ADGRL3: variants seen among roughly 807,000 people sequenced by gnomAD.
ADGRL3 encodes adhesion G protein-coupled receptor L3.
In ADGRL3, 62 loss-of-function variants were observed where a neutral mutation model predicts 153.5. That is an observed-to-expected ratio of 0.40 (90% CI 0.33 to 0.50). The LOEUF is 0.50. Among genes scored for constraint, ADGRL3 ranks in the 20% least tolerant of loss-of-function variants. The pLI is 0.47. For synonymous variants in ADGRL3, 710 were observed against 672.5 expected (o/e 1.06, Z -0.86); for missense variants, 1,641 against 1,859.4 (o/e 0.88, Z 2.16).
intron 11 of ADGRL3, among the ~76,000 whole-genome samples, chr4:61,899,361 C>G (rs1292264682): frequency 1.3e-5 from 2 of 151,724 alleles, no homozygotes; most frequent in Non-Finnish European, 2.9e-5. Context: ...TTTTTCCTGC[C>G]ATTTGCCATG....
At position 61,200,434 on chromosome 4, in the gene ADGRL3, C is replaced by T. The variant is rs1257579939; in HGVS notation, c.-1571C>T. Among the ~76,000 whole-genome samples, 1 of 151,868 alleles carries T rather than the reference C, an allele frequency of 6.6e-6. No individual in the cohort carries two copies. Among genetic ancestry groups the T allele is most frequent in the Non-Finnish European group, 1.5e-5 (1 of 67,944 alleles). On this transcript the variant is annotated 5_prime_UTR_variant, in exon 1 of 27. Transcript: ENST00000683033. ...GTCTGCGCGTCGCCCCCCTCGCCTG[C>T]TGGCCCGGCACCGCTCGCTCCAGTT...
chr4:62,064,021 C>T (rs186979226), intron 25 of ADGRL3, among the ~76,000 whole-genome samples: 2 of 151,948 alleles, frequency 1.3e-5, no homozygotes, highest in East Asian at 1.9e-4. Context: ...CTTAATATTA[C>T]AAGATCAAGA....
At chr4:62,048,752 C>T (rs1464429431) in intron 25 of ADGRL3, among the ~76,000 whole-genome samples, 2 of 150,100 alleles carry the variant, frequency 1.3e-5, no homozygotes, top group Non-Finnish European at 3.0e-5. Context: ...AGGGTTTTGC[C>T]GTGTTGCCCA....
At chr4:61,518,047 T>C (rs553753806) in intron 4 of ADGRL3, among the ~76,000 whole-genome samples, 3 of 152,226 alleles carry the variant, frequency 2.0e-5, no homozygotes, top group Non-Finnish European at 4.4e-5. Context: ...ACATTCTTCC[T>C]ATAATATTGC....
At chr4:61,926,154 G>A (rs1333449540) in intron 13 of ADGRL3, among the ~76,000 whole-genome samples, 2 of 152,122 alleles carry the variant, frequency 1.3e-5, no homozygotes, top group East Asian at 3.9e-4. Flanking sequence ...TGATATAAAA[G>A]ATCAAAGCTA....
chr4:61,235,976 T>C (rs2149256236), intron 1 of ADGRL3, among the ~76,000 whole-genome samples: 1 of 151,686 alleles, frequency 6.6e-6, no homozygotes, highest in Admixed American at 6.6e-5. Context: ...ATTTCCTATA[T>C]GTGCTTTCTT....
chr4:62,006,993 A>G (rs1315578753), intron 21 of ADGRL3, among the ~76,000 whole-genome samples: 1 of 152,098 alleles, frequency 6.6e-6, no homozygotes, highest in Non-Finnish European at 1.5e-5. Context: ...AATAATGTCA[A>G]CAAGGACCAA....
At chr4:61,270,029 T>C (rs971024810) in intron 1 of ADGRL3, among the ~76,000 whole-genome samples, 27 of 151,684 alleles carry the variant, frequency 1.8e-4, no homozygotes, top group African/African-American at 6.3e-4. Flanking sequence ...GCAAAGACAT[T>C]TGTTACTATA....
chr4:61,896,270 A>T lies in ADGRL3; in HGVS notation c.1887+436A>T, dbSNP rs549298314. On this transcript the variant is annotated intron_variant, in intron 11 of 26. Coordinates refer to ENST00000683033, the MANE Select transcript of ADGRL3 (RefSeq NM_001387552.1). ...AATGATAAAAATATACACATGTGTG[A>T]CAGAATCTTGCAGACTCAAATTTTC... is the stretch of plus-strand genomic sequence containing the variant. Among the ~76,000 whole-genome samples the T allele has an allele frequency of 2.0e-5, 3 of 152,298 alleles. No homozygotes were observed. In the South Asian group the frequency reaches 6.2e-4, roughly 32 times the overall value.
intron 1 of ADGRL3, among the ~76,000 whole-genome samples, chr4:61,267,211 A>C (rs2149711884): frequency 6.6e-6 from 1 of 151,876 alleles, no homozygotes; most frequent in Middle Eastern, 3.4e-3. Context: ...TGTCGAATGT[A>C]ATGAATTGCC....
At chr4:61,939,819 C>G (rs2098871691) in intron 15 of ADGRL3, among the ~76,000 whole-genome samples, 1 of 152,130 alleles carries the variant, frequency 6.6e-6, no homozygotes, top group Non-Finnish European at 1.5e-5. Context: ...CAGTGTATAC[C>G]ATTTGCTGTC....
intron 1 of ADGRL3, among the ~76,000 whole-genome samples, chr4:61,299,163 C>G (rs183686352): frequency 5.2e-4 from 79 of 152,186 alleles, no homozygotes; most frequent in African/African-American, 1.9e-3. Context: ...ATCTTCCCCC[C>G]CTTTTCTGTG....
At chr4:61,877,528 C>T (rs185675092) in intron 9 of ADGRL3, among the ~76,000 whole-genome samples, 1 of 152,270 alleles carries the variant, frequency 6.6e-6, no homozygotes, top group East Asian at 1.9e-4. Context: ...TACACACATG[C>T]ACACATGAAT....
intron 4 of ADGRL3, among the ~76,000 whole-genome samples, chr4:61,583,971 C>T (rs1011699818): frequency 1.3e-5 from 2 of 151,996 alleles, no homozygotes; most frequent in African/African-American, 4.8e-5. Flanking sequence ...ACTCATTACT[C>T]TGCATTTGAA....
intron 17 of ADGRL3, among the ~76,000 whole-genome samples, chr4:61,953,336 T>C (rs925757176): frequency 6.6e-6 from 1 of 152,182 alleles, no homozygotes; most frequent in African/African-American, 2.4e-5. Flanking sequence ...TTGATAGCTA[T>C]TGGCATCAAG....
chr4:61,381,537 T>G (rs1185127786), intron 1 of ADGRL3, among the ~76,000 whole-genome samples: 1 of 151,942 alleles, frequency 6.6e-6, no homozygotes, highest in East Asian at 1.9e-4. Flanking sequence ...AGATTGGTTT[T>G]ATCTGTGGTG....
chr4:61,317,464 C>T (rs1320426808), intron 1 of ADGRL3, among the ~76,000 whole-genome samples: 1 of 152,138 alleles, frequency 6.6e-6, no homozygotes, highest in Non-Finnish European at 1.5e-5. Context: ...TCATTATGTA[C>T]TGCCAAGATC....
chr4:61,213,764 C>T (rs949040286), intron 1 of ADGRL3, among the ~76,000 whole-genome samples: 2 of 152,062 alleles, frequency 1.3e-5, no homozygotes, highest in African/African-American at 4.8e-5. Flanking sequence ...TTTATTTAAA[C>T]ATTTACTTAT....
chr4:61,390,433 G>A (rs942184196), intron 2 of ADGRL3, among the ~76,000 whole-genome samples: 3 of 152,138 alleles, frequency 2.0e-5, no homozygotes, highest in Non-Finnish European at 4.4e-5. Flanking sequence ...AATGAGGTCT[G>A]TTCTGAGCTA....
Sources: allele counts gnomAD v4.1 joint callset (sites outside exome capture counted in the v4.1 genomes callset), GRCh38; gene constraint gnomAD v4.1.1; transcripts MANE v1.5; gene names NCBI Gene and HGNC (gene_info 2026-07-23, HGNC 2026-07-21).